Variants in IGF1R observed in about 807,000 individuals in gnomAD.
IGF1R encodes insulin-like growth factor 1 receptor.
In IGF1R, 44 loss-of-function variants were observed where a neutral mutation model predicts 144.6. The observed-to-expected ratio is 0.30, with a 90% CI of 0.24 to 0.39. The LOEUF (loss-of-function observed/expected upper bound fraction) is 0.39. Among genes scored for constraint, IGF1R ranks in the 10% least tolerant of loss-of-function variants. The pLI is 1.00. For synonymous variants in IGF1R, 795 were observed against 722.8 expected (o/e 1.10, Z -1.60); for missense variants, 1,355 against 1,833.7 (o/e 0.74, Z 4.77).
intron 2 of IGF1R, among the ~76,000 whole-genome samples, chr15:98,765,307 C>CTTTTT (rs2055408113): frequency 1.7e-5 from 2 of 116,092 alleles, no homozygotes; most frequent in Non-Finnish European, 3.5e-5. Context: ...CATGCCAACA[C>CTTTTT]CTTTTTTTTT....
intron 2 of IGF1R, 102 bp downstream of exon 2, chr15:98,708,209 G>T: frequency 9.8e-7 from 1 of 1,018,438 alleles, no homozygotes; most frequent in Non-Finnish European, 1.5e-6. Flanking sequence ...GCTGGGCAGG[G>T]TGCAGTCGTG....
chr15:98,794,561 T>C (rs1347108221), intron 2 of IGF1R, among the ~76,000 whole-genome samples: 1 of 152,188 alleles, frequency 6.6e-6, no homozygotes, highest in Non-Finnish European at 1.5e-5. Flanking sequence ...AATTAATTAG[T>C]AAGCAAACTG....
chr15:98,854,147 AGAGCTG>A, intron 2 of IGF1R, among the ~76,000 whole-genome samples: 1 of 152,338 alleles, frequency 6.6e-6, no homozygotes, highest in South Asian at 2.1e-4. Context: ...GGAGAGTGTC[AGAGCTG>A]GTGCAGAGTT....
intron 1 of IGF1R, among the ~76,000 whole-genome samples, chr15:98,701,726 G>C (rs1277319588): frequency 6.6e-6 from 1 of 152,176 alleles, no homozygotes; most frequent in Non-Finnish European, 1.5e-5. Flanking sequence ...TAATGGAATT[G>C]TTGACAGAGG....
At chr15:98,688,228 A>G (rs1336357346) in intron 1 of IGF1R, among the ~76,000 whole-genome samples, 1 of 152,114 alleles carries the variant, frequency 6.6e-6, no homozygotes, top group African/African-American at 2.4e-5. Context: ...CCAAGTTCAT[A>G]GTGTCAGTAG....
In IGF1R at chr15:98,937,164, G is replaced by A. The variant is rs141245859; in HGVS notation, c.3297+1738G>A. On this transcript the variant is annotated intron_variant, in intron 17 of 20. Coordinates refer to ENST00000650285, the MANE Select transcript of IGF1R (RefSeq NM_000875.5). ...GCCTCCCAAAGTGCTGGGATTACAG[G>A]TGTGAGCCGCTGCGCCTGGCCCTTG... Among the ~76,000 whole-genome samples the A allele has an allele frequency of 3.8e-3, 584 of 152,330 alleles. 5 individuals are homozygous for A. The highest frequency in any genetic ancestry group is 0.013 in the African/African-American group (551 of 41,574).
chr15:98,888,041 T>C (rs1419454014), intron 2 of IGF1R, among the ~76,000 whole-genome samples: 1 of 152,238 alleles, frequency 6.6e-6, no homozygotes, highest in Non-Finnish European at 1.5e-5. Context: ...CTCGTTGCTT[T>C]TACAAGCATT....
intron 2 of IGF1R, among the ~76,000 whole-genome samples, chr15:98,784,670 G>A (rs909284084): frequency 6.6e-6 from 1 of 151,764 alleles, no homozygotes; most frequent in African/African-American, 2.4e-5. Flanking sequence ...CTACATCTGC[G>A]GATTCCTTCA....
At chr15:98,779,038 T>A (rs1567125035) in intron 2 of IGF1R, among the ~76,000 whole-genome samples, 1 of 152,256 alleles carries the variant, frequency 6.6e-6, no homozygotes, top group Non-Finnish European at 1.5e-5. Context: ...AATTATGTTT[T>A]ATTCTTACTA....
chr15:98,797,495 G>C (rs2056272198), intron 2 of IGF1R, among the ~76,000 whole-genome samples: 1 of 152,222 alleles, frequency 6.6e-6, no homozygotes, highest in Non-Finnish European at 1.5e-5. Flanking sequence ...CCATGTCTAG[G>C]TTCTGAGTGC....
chr15:98,835,885 G>GT (rs1430687954), intron 2 of IGF1R, among the ~76,000 whole-genome samples: 1 of 152,218 alleles, frequency 6.6e-6, no homozygotes, highest in Admixed American at 6.5e-5. Flanking sequence ...GATTACTGAA[G>GT]TATTGTTGAG....
intron 2 of IGF1R, among the ~76,000 whole-genome samples, chr15:98,817,590 A>C (rs1037105265): frequency 4.6e-5 from 7 of 152,154 alleles, no homozygotes; most frequent in Admixed American, 4.6e-4. Flanking sequence ...AAGGATAAGA[A>C]GAAAAAGCTG....
chr15:98,794,170 G>C (rs1007160038), intron 2 of IGF1R, among the ~76,000 whole-genome samples: 1 of 152,168 alleles, frequency 6.6e-6, no homozygotes, highest in Non-Finnish European at 1.5e-5. Flanking sequence ...CGCACATTGA[G>C]TATTTTTCTC....
chr15:98,667,969 T>G (rs953980245), intron 1 of IGF1R, among the ~76,000 whole-genome samples: 3 of 152,080 alleles, frequency 2.0e-5, no homozygotes, highest in African/African-American at 7.2e-5. Context: ...ATGTCTTAGC[T>G]CAGACTGCTG....
chr15:98,819,027 G>A (rs1000815751), intron 2 of IGF1R, among the ~76,000 whole-genome samples: 2 of 152,138 alleles, frequency 1.3e-5, no homozygotes, highest in African/African-American at 2.4e-5. Flanking sequence ...TGGGGAGGGA[G>A]GAGCAGTGTA....
intron 3 of IGF1R, among the ~76,000 whole-genome samples, chr15:98,894,957 G>T (rs1294686660): frequency 6.6e-6 from 1 of 151,474 alleles, no homozygotes; most frequent in East Asian, 1.9e-4. Flanking sequence ...GGAGGTGGAG[G>T]TTGCAGTGAG....
At chr15:98,822,224 G>A (rs2141480689) in intron 2 of IGF1R, among the ~76,000 whole-genome samples, 1 of 152,256 alleles carries the variant, frequency 6.6e-6, no homozygotes, top group African/African-American at 2.4e-5. Flanking sequence ...CTTCCTACAG[G>A]TTTTCAAGTC....
intron 1 of IGF1R, among the ~76,000 whole-genome samples, chr15:98,654,362 A>G (rs191877380): frequency 3.7e-4 from 57 of 152,340 alleles, no homozygotes; most frequent in East Asian, 1.9e-4. Context: ...AGGTGTGTAC[A>G]TGAACGTTGC....
At chr15:98,804,271 T>A (rs2056425035) in intron 2 of IGF1R, among the ~76,000 whole-genome samples, 1 of 152,206 alleles carries the variant, frequency 6.6e-6, no homozygotes, top group African/African-American at 2.4e-5. Flanking sequence ...TGTTAAGAAA[T>A]CTTGCTTTTA....
Sources: gnomAD v4.1 joint callset for allele counts (sites outside exome capture counted in the v4.1 genomes callset) on GRCh38, gnomAD v4.1.1 for gene constraint, MANE v1.5 for transcripts, NCBI Gene and HGNC (gene_info 2026-07-23, HGNC 2026-07-21) for gene names.